Variants in RAB27A observed in about 807,000 individuals in gnomAD.
RAB27A encodes RAB27A, member RAS oncogene family.
In RAB27A, 17 loss-of-function variants were observed where a neutral mutation model predicts 20.8. That is an observed-to-expected ratio of 0.82 (90% CI 0.56 to 1.23). RAB27A has a LOEUF of 1.23. Among genes scored for constraint, RAB27A ranks in the 50% most tolerant of loss-of-function variants. The pLI, the probability that RAB27A is intolerant of heterozygous loss-of-function variation, is 0.00. For synonymous variants in RAB27A, 85 were observed against 92.8 expected, an observed-to-expected ratio of 0.92 and a Z score of 0.48; for missense variants, 277 against 266.7, an observed-to-expected ratio of 1.04 and a Z score of -0.27.
chr15:55,246,928 T>C (rs73413619), intron 2 of RAB27A, among the ~76,000 whole-genome samples: 1 of 152,120 alleles, frequency 6.6e-6, no homozygotes, highest in Non-Finnish European at 1.5e-5. Context: ...CAAGTTCTCC[T>C]AAATTCAAAT....
chr15:55,256,957 A>G (rs1217730325), intron 2 of RAB27A, among the ~76,000 whole-genome samples: 2 of 152,210 alleles, frequency 1.3e-5, no homozygotes, highest in East Asian at 1.9e-4. Flanking sequence ...TGAAGATGAG[A>G]GCCTAGATGA....
chr15:55,293,268 G>A (rs1264391039), upstream of RAB27A, among the ~76,000 whole-genome samples: 5 of 151,994 alleles, frequency 3.3e-5, no homozygotes, highest in South Asian at 2.1e-4. Context: ...GGTCCTAGAA[G>A]CAATTATATC....
chr15:55,309,344 G>C (rs985874243), intron 2 of RAB27A, among the ~76,000 whole-genome samples: 1 of 152,224 alleles, frequency 6.6e-6, no homozygotes, highest in Non-Finnish European at 1.5e-5. Context: ...AACCTGCTGA[G>C]AGCAGAGCTG....
intron 5 of RAB27A, among the ~76,000 whole-genome samples, chr15:55,226,983 G>GA (rs1895828919): frequency 6.6e-6 from 1 of 151,794 alleles, no homozygotes; most frequent in South Asian, 2.1e-4. Context: ...TCCTAATTAA[G>GA]ATTTGATATT....
At chr15:55,211,789 C>T (rs1895037864) in intron 6 of RAB27A, among the ~76,000 whole-genome samples, 1 of 152,122 alleles carries the variant, frequency 6.6e-6, no homozygotes, top group African/African-American at 2.4e-5. Flanking sequence ...TTTTCTTATA[C>T]AGGTCCTCAT....
At chr15:55,311,947 G>A (rs999865242) in intron 2 of RAB27A, among the ~76,000 whole-genome samples, 26 of 152,148 alleles carry the variant, frequency 1.7e-4, no homozygotes, top group Non-Finnish European at 3.5e-4. Flanking sequence ...GGCAAGCCTC[G>A]TGTTCTCTGA....
At position 55,281,219 on chromosome 15, in the gene RAB27A, CTTGGGTCTTT is replaced by C. The variant is rs1277406768; in HGVS notation, c.-143+8487_-143+8496del. Among the ~76,000 whole-genome samples, 17 of 152,298 alleles carry C rather than the reference CTTGGGTCTTT, an allele frequency of 1.1e-4. 1 individual carries two copies. The highest frequency in any genetic ancestry group is 4.6e-4 in the Admixed American group (7 of 15,294). ...GTAATCTTTCTCCAGCATTAAAGCT[CTTGGGTCTTT>C]TTGATTTCCAATTCACTGGGTCCTG... On this transcript the variant is annotated intron_variant, in intron 1 of 6. Coordinates refer to ENST00000336787, the MANE Select transcript of RAB27A (RefSeq NM_183235.3).
At chr15:55,298,716 C>T (rs1025799070) in intron 2 of RAB27A, among the ~76,000 whole-genome samples, 2 of 152,162 alleles carry the variant, frequency 1.3e-5, no homozygotes, top group African/African-American at 4.8e-5. Context: ...GTCTATTTCA[C>T]CCCTACAGTC....
intron 1 of RAB27A, among the ~76,000 whole-genome samples, chr15:55,285,061 C>T (rs963017496): frequency 1.3e-5 from 2 of 152,160 alleles, no homozygotes; most frequent in African/African-American, 4.8e-5. Flanking sequence ...GTTAAATGTG[C>T]ATTTTGGATA....
chr15:55,235,808 A>C (rs542760686), intron 2 of RAB27A, among the ~76,000 whole-genome samples: 14 of 152,292 alleles, frequency 9.2e-5, no homozygotes, highest in African/African-American at 3.4e-4. Context: ...ATATATACAC[A>C]CACCACGGAA....
intron 2 of RAB27A, among the ~76,000 whole-genome samples, chr15:55,250,547 T>C (rs1346126481): frequency 1.3e-5 from 2 of 152,232 alleles, no homozygotes; most frequent in Non-Finnish European, 1.5e-5. Context: ...TAAACGGCAG[T>C]CAAAGCTCAG....
At chr15:55,210,412 G>GGTTT (rs1555391925) in intron 6 of RAB27A, among the ~76,000 whole-genome samples, 1 of 128,014 alleles carries the variant, frequency 7.8e-6, no homozygotes, top group African/African-American at 3.0e-5. Flanking sequence ...TTTAGGTGTG[G>GGTTT]TTTTTTTTTT....
upstream of RAB27A, among the ~76,000 whole-genome samples, chr15:55,291,211 G>A (rs1425175651): frequency 1.3e-5 from 2 of 152,164 alleles, no homozygotes; most frequent in Non-Finnish European, 2.9e-5. Flanking sequence ...GACTGTTGGT[G>A]AGGTTAAGAG....
At chr15:55,264,886 T>C (rs1897406009) in intron 2 of RAB27A, among the ~76,000 whole-genome samples, 1 of 152,182 alleles carries the variant, frequency 6.6e-6, no homozygotes, top group Non-Finnish European at 1.5e-5. Flanking sequence ...AATGTGGCTC[T>C]AGAAGAGCAA....
At chr15:55,213,425 T>C (rs1895119544) in intron 6 of RAB27A, among the ~76,000 whole-genome samples, 1 of 152,202 alleles carries the variant, frequency 6.6e-6, no homozygotes, top group African/African-American at 2.4e-5. Context: ...TTTTCAGAAC[T>C]CTTTCACTTC....
intron 1 of RAB27A, among the ~76,000 whole-genome samples, chr15:55,279,790 A>G (rs1049497363): frequency 5.9e-5 from 9 of 152,356 alleles, no homozygotes; most frequent in South Asian, 2.1e-4. Context: ...TTGAATAAAT[A>G]TCACCAAGGA....
chr15:55,250,098 G>A (rs1008527055), intron 2 of RAB27A, among the ~76,000 whole-genome samples: 1 of 152,002 alleles, frequency 6.6e-6, no homozygotes, highest in Admixed American at 6.6e-5. Flanking sequence ...TAGTGGCTGC[G>A]ACTAAAGGCC....
chr15:55,223,975 A>C lies in RAB27A; in HGVS notation c.381T>G (p.Asp127Glu). The C allele has an allele frequency of 6.2e-7, 1 of 1,608,298 alleles. No homozygotes were observed. Among genetic ancestry groups the C allele is most frequent in the Non-Finnish European group, 8.5e-7 (1 of 1,174,810 alleles). ...LQMHAYCENP[D>E]IVLCGNKSDL... ...CACTCTTGTTTCCACACAGCACTAT[A>C]TCTGGGTTTTCACAATATGCATGCA... The change falls in exon 6 of 7, where the codon GAT becomes GAG. Residue 127 changes from aspartate (D) to glutamate (E), a missense_variant. Transcript: ENST00000336787.
chr15:55,239,525 AG>A (rs1349692244), intron 2 of RAB27A, among the ~76,000 whole-genome samples: 9 of 152,176 alleles, frequency 5.9e-5, no homozygotes, highest in Non-Finnish European at 1.2e-4. Flanking sequence ...AGTACAGTAA[AG>A]GATTGGGAGA....
Sources: gnomAD v4.1 joint callset for allele counts (sites outside exome capture counted in the v4.1 genomes callset) on GRCh38, gnomAD v4.1.1 for gene constraint, MANE v1.5 for transcripts, NCBI Gene and HGNC (gene_info 2026-07-23, HGNC 2026-07-21) for gene names.